The following LPIN1 variants were observed in gnomAD, a reference collection of about 807,000 sequenced individuals.
LPIN1 encodes phosphatidate phosphatase LPIN1.
LPIN1 carries 71 observed loss-of-function variants against 107.5 expected under a neutral mutation model. The observed-to-expected ratio is 0.66, with a 90% CI of 0.55 to 0.80. The LOEUF (loss-of-function observed/expected upper bound fraction) is 0.80, where lower values mean the gene tolerates loss of function less well. LPIN1 is among the 30% of genes least tolerant of loss of function. LPIN1 has a pLI of 0.00. For synonymous variants in LPIN1, 445 were observed against 452.6 expected (o/e 0.98, Z 0.21); for missense variants, 1,043 against 1,160.6 (o/e 0.90, Z 1.47).
chr2:11,823,468 G>T (rs1681914005), intron 20 of LPIN1, among the ~76,000 whole-genome samples: 1 of 152,216 alleles, frequency 6.6e-6, no homozygotes, highest in Non-Finnish European at 1.5e-5. Flanking sequence ...TTCCCATTTT[G>T]TGCAAGCACA....
chr2:11,807,584 C>T (rs1678928580), intron 17 of LPIN1, among the ~76,000 whole-genome samples: 1 of 150,500 alleles, frequency 6.6e-6, no homozygotes, highest in Non-Finnish European at 1.5e-5. Context: ...AAAAATAAAG[C>T]TGTGTGGCTT....
In LPIN1 at chr2:11,773,662, T is replaced by C. The variant is rs764158462; in HGVS notation, c.639T>C (p.Pro213=). The C allele has an allele frequency of 6.2e-7, 1 of 1,613,070 alleles. No homozygotes were observed. Among genetic ancestry groups the C allele is most frequent in the East Asian group, 2.2e-5 (1 of 44,876 alleles). The change falls in exon 5 of 21, where the codon CCT becomes CCC. Residue 213 remains proline, a synonymous_variant. Coordinates refer to ENST00000674199, the MANE Select transcript of LPIN1 (RefSeq NM_001349206.2). ...NDIPPFQDDI[P]EENLSLAVIY... is the part of the protein sequence containing the mutation. Reference sequence around the variant, plus strand: ...TACCTCCATTCCAAGATGATATTCCTGAGGAAAACCTCTCCCTGGCTGTGA... The same window carrying C: ...TACCTCCATTCCAAGATGATATTCCCGAGGAAAACCTCTCCCTGGCTGTGA...
Position 11,788,172 on chromosome 2 carries a change from G to A in LPIN1, c.1644-215G>A, listed in dbSNP as rs534912398. Among the ~76,000 whole-genome samples the A allele has an allele frequency of 2.8e-4, 43 of 152,224 alleles. No individual in the cohort carries two copies. The South Asian group carries it at 6.6e-3, about 24-fold the overall frequency. ...GTCCAACTGTCTGCCCTGCTGGCACGGCTGCTGCTGGGCCCTCAACTGGCC... is the reference window on the plus strand; with the variant it reads ...GTCCAACTGTCTGCCCTGCTGGCACAGCTGCTGCTGGGCCCTCAACTGGCC... On this transcript the variant is annotated intron_variant, in intron 11 of 20. Transcript: ENST00000674199.
chr2:11,747,935 G>A (rs143481375), intron 1 of LPIN1, among the ~76,000 whole-genome samples: 14 of 152,316 alleles, frequency 9.2e-5, no homozygotes, highest in East Asian at 1.9e-4. Context: ...CCCTGGACTC[G>A]GGTCGGGAGG....
At chr2:11,768,745 G>A (rs1195783210) in intron 3 of LPIN1, among the ~76,000 whole-genome samples, 1 of 152,076 alleles carries the variant, frequency 6.6e-6, no homozygotes, top group Non-Finnish European at 1.5e-5. Flanking sequence ...GACCATCCTG[G>A]CTAAGACGGT....
rs78097811 is a variant in LPIN1 at position 11,736,007 on chromosome 2, A to T, written c.-71-5342A>T. 7.9e-5 allele frequency among the ~76,000 whole-genome samples: 12 copies of T among 152,194 alleles called. No individual in the cohort carries two copies. The East Asian group carries it at 2.3e-3, about 29-fold the overall frequency. ...TTTGCAGAAACCTGATTTTATTTGG[A>T]AGTCAGCTTCCCTCACTGAGGCCAG... On this transcript the variant is annotated intron_variant, in intron 1 of 21. Transcript: ENST00000396097.
intron 1 of LPIN1, among the ~76,000 whole-genome samples, chr2:11,757,168 A>G (rs1180355976): frequency 6.6e-6 from 1 of 152,240 alleles, no homozygotes; most frequent in Non-Finnish European, 1.5e-5. Context: ...GGAATTTGGT[A>G]TGGGGTGAGT....
At chr2:11,725,123 T>G (rs1664487396) in intron 1 of LPIN1, among the ~76,000 whole-genome samples, 1 of 152,126 alleles carries the variant, frequency 6.6e-6, no homozygotes, top group East Asian at 1.9e-4. Context: ...TAGCCGGGCG[T>G]GTTGGCGGGC....
chr2:11,808,118 A>G (rs1679026399), intron 17 of LPIN1, among the ~76,000 whole-genome samples: 1 of 152,154 alleles, frequency 6.6e-6, no homozygotes, highest in Non-Finnish European at 1.5e-5. Flanking sequence ...TCCTCAGGCC[A>G]CAATCTGTGA....
At chr2:11,694,318 T>A (rs1662461808) in intron 1 of LPIN1, among the ~76,000 whole-genome samples, 1 of 152,224 alleles carries the variant, frequency 6.6e-6, no homozygotes, top group African/African-American at 2.4e-5. Flanking sequence ...TACTCGAGCC[T>A]ATCTGAGAGG....
chr2:11,772,014 C>T (rs936812683), intron 4 of LPIN1, among the ~76,000 whole-genome samples: 1 of 152,206 alleles, frequency 6.6e-6, no homozygotes, highest in Non-Finnish European at 1.5e-5. Flanking sequence ...ACTAGACGGT[C>T]CCATCTTGGG....
chr2:11,824,946 A>C lies in LPIN1; in HGVS notation c.*155A>C. 2.5e-6 allele frequency: 2 copies of C among 816,046 alleles called. No homozygotes were observed. Among genetic ancestry groups the C allele is most frequent in the Non-Finnish European group, 3.9e-6 (2 of 515,608 alleles). The allele number at this position is 816,046 out of a possible 1,614,324, so 50.6% of individuals were successfully genotyped here. A position where few individuals can be genotyped will look rare whatever the true frequency, so the allele number is the denominator to read the frequency against. ...TTGAGAAGCATTTCTCCCCTGCCCC[A>C]CCCCGGGGCTGACATTTCTAAGCAA... On this transcript the variant is annotated 3_prime_UTR_variant, in exon 21 of 21. Transcript: ENST00000674199.
At chr2:11,778,700 T>C (rs1457476643) in intron 6 of LPIN1, among the ~76,000 whole-genome samples, 1 of 152,242 alleles carries the variant, frequency 6.6e-6, no homozygotes, top group Non-Finnish European at 1.5e-5. Flanking sequence ...CATGTTATTA[T>C]GCGGCAATAA....
intron 1 of LPIN1, among the ~76,000 whole-genome samples, chr2:11,725,891 A>G (rs977489906): frequency 2.0e-5 from 3 of 152,210 alleles, no homozygotes; most frequent in Admixed American, 1.3e-4. Flanking sequence ...TCCTAAATCC[A>G]AGAAGGACAT....
intron 4 of LPIN1, among the ~76,000 whole-genome samples, chr2:11,772,126 A>T (rs1322577082): frequency 6.6e-6 from 1 of 152,072 alleles, no homozygotes; most frequent in African/African-American, 2.4e-5. Context: ...CTCCTGTGAG[A>T]ATCTGATGCT....
chr2:11,739,925 A>G (rs1666167205), intron 1 of LPIN1, among the ~76,000 whole-genome samples: 1 of 152,224 alleles, frequency 6.6e-6, no homozygotes, highest in African/African-American at 2.4e-5. Context: ...ACCAAATAAG[A>G]TAGATAGAGA....
At chr2:11,726,904 A>G (rs574282287) in intron 1 of LPIN1, among the ~76,000 whole-genome samples, 3 of 152,266 alleles carry the variant, frequency 2.0e-5, no homozygotes, top group East Asian at 1.9e-4. Flanking sequence ...GGGTCCCCCA[A>G]TTCAGGTTTG....
At chr2:11,753,186 C>T (rs1668127570) in intron 1 of LPIN1, among the ~76,000 whole-genome samples, 1 of 146,862 alleles carries the variant, frequency 6.8e-6, no homozygotes, top group African/African-American at 2.6e-5. Flanking sequence ...GCAAAATTTC[C>T]CACCTGCCTA....
At chr2:11,787,033 T>G (rs1428954958) in intron 10 of LPIN1, 41 bp from the exon 11 acceptor site, 2 of 1,420,386 alleles carry the variant, frequency 1.4e-6, no homozygotes, top group African/African-American at 2.8e-5. Context: ...AACTGAATTT[T>G]CTTTTTGTTT....
Sources: allele counts gnomAD v4.1 joint callset (sites outside exome capture counted in the v4.1 genomes callset), GRCh38; gene constraint gnomAD v4.1.1; transcripts MANE v1.5; gene names NCBI Gene and HGNC (gene_info 2026-07-23, HGNC 2026-07-21).